The following SMPX variants were observed in gnomAD, a reference collection of about 807,000 sequenced individuals.
The protein encoded by SMPX is small muscle protein X-linked.
In SMPX, 2 loss-of-function variants were observed where a neutral mutation model predicts 6.3. The ratio of observed to expected loss-of-function variants is 0.32; its 90% CI spans 0.13 to 0.99. The LOEUF (loss-of-function observed/expected upper bound fraction) is 0.99. Ranked by LOEUF, SMPX falls within the 50% of genes least tolerant of loss-of-function variation. The pLI, the probability that SMPX is intolerant of heterozygous loss-of-function variation, is 0.49. For synonymous variants in SMPX, 32 were observed against 24.7 expected (o/e 1.30, Z -0.88); for missense variants, 60 against 66.8 (o/e 0.90, Z 0.36).
Position 21,742,105 on chromosome X carries a change from G to A in SMPX, c.132+1645C>T, listed in dbSNP as rs762684600. On this transcript the variant is annotated intron_variant, in intron 3 of 4. Coordinates refer to ENST00000379494, the MANE Select transcript of SMPX (RefSeq NM_014332.3). ...TGAAATGTGAGCCTCCAAAACAGCT[G>A]TTACATCAGTCAATTTAGTGAGAAA... 1.5e-3 allele frequency among the ~76,000 whole-genome samples: 173 copies of A among 112,321 alleles called. 1 individual carries two copies. Among genetic ancestry groups the A allele is most frequent in the African/African-American group, 5.3e-3 (165 of 30,917 alleles).
At chrX:21,749,003 G>A (rs892080885) in intron 2 of SMPX, among the ~76,000 whole-genome samples, 1 of 111,667 alleles carries the variant, frequency 9.0e-6, no homozygotes, top group Non-Finnish European at 1.9e-5. Context: ...TTCATCTTCC[G>A]TGGAGACTGC....
In SMPX at chrX:21,706,308, A is replaced by G. The variant is rs1448931396; in HGVS notation, c.*101T>C. On this transcript the variant is annotated 3_prime_UTR_variant, in exon 5 of 5. Transcript: ENST00000379494. Reference sequence around the variant, plus strand: ...ATTTCTGCTAGAGTCTCAGGCATTCAGGAGGTTCACAATCATCATACAAAT... The same window carrying G: ...ATTTCTGCTAGAGTCTCAGGCATTCGGGAGGTTCACAATCATCATACAAAT... The G allele has an allele frequency of 4.1e-6, 2 of 492,608 alleles. No homozygotes were observed. Among genetic ancestry groups the G allele is most frequent in the Non-Finnish European group, 7.3e-6 (2 of 273,977 alleles). The allele number at this position is 492,608 out of a possible 1,213,427, so 40.6% of individuals were successfully genotyped here.
chrX:21,731,319 C>A (rs2092802876), intron 4 of SMPX, among the ~76,000 whole-genome samples: 1 of 105,481 alleles, frequency 9.5e-6, no homozygotes, highest in Non-Finnish European at 2.0e-5. Context: ...GTTCCATGTA[C>A]ACTTGAGAAG....
At chrX:21,719,082 C>T (rs1273306326) in intron 4 of SMPX, among the ~76,000 whole-genome samples, 1 of 112,069 alleles carries the variant, frequency 8.9e-6, no homozygotes, top group Non-Finnish European at 1.9e-5. Flanking sequence ...TTATGTGCTT[C>T]TCCTAGGAAG....
intron 2 of SMPX, among the ~76,000 whole-genome samples, chrX:21,747,319 C>T (rs889107500): frequency 2.7e-5 from 3 of 110,759 alleles, no homozygotes; most frequent in Non-Finnish European, 5.7e-5. Context: ...GCATCACTTT[C>T]CTAAGCTATA....
At chrX:21,714,408 C>A (rs1419032872) in intron 4 of SMPX, among the ~76,000 whole-genome samples, 1 of 111,958 alleles carries the variant, frequency 8.9e-6, no homozygotes, top group African/African-American at 3.2e-5. Context: ...CATCAGGTGG[C>A]TGCACCAGAG....
intron 3 of SMPX, among the ~76,000 whole-genome samples, chrX:21,738,025 A>G (rs2092812367): frequency 2.7e-5 from 3 of 112,639 alleles, no homozygotes; most frequent in South Asian, 3.7e-4. Context: ...GCATCTTACA[A>G]GATTGACTTT....
At chrX:21,729,574 T>G (rs2092801102) in intron 4 of SMPX, among the ~76,000 whole-genome samples, 1 of 111,446 alleles carries the variant, frequency 9.0e-6, no homozygotes, top group African/African-American at 3.3e-5. Flanking sequence ...TCCATTACAT[T>G]GAGAGTAGAA....
At chrX:21,711,115 C>A (rs1242092786) in intron 4 of SMPX, among the ~76,000 whole-genome samples, 1 of 112,064 alleles carries the variant, frequency 8.9e-6, no homozygotes, top group Non-Finnish European at 1.9e-5. Flanking sequence ...GCCAGAGTCT[C>A]CATCCTTGGC....
In SMPX at chrX:21,737,650, C is replaced by T. The variant is rs368638477; in HGVS notation, c.180G>A (p.Ala60=). The change falls in exon 4 of 5, where the codon GCG becomes GCA. Residue 60 remains alanine (A), a synonymous_variant. Transcript: ENST00000379494. The part of the protein sequence containing the change: ...SDEEKKPIPG[A]KKLPGPAVNL... ...TGACTGCAGGTCCTGGAAGTTTCTT[C>T]GCTCCTGGAATTGGCTTCTTCTCCT... 42 of 1,207,775 alleles carry T rather than the reference C, an allele frequency of 3.5e-5. No individual in the cohort carries two copies. The highest frequency in any genetic ancestry group is 5.9e-5 in the East Asian group (2 of 33,778).
At chrX:21,719,009 G>A (rs368142365) in intron 4 of SMPX, among the ~76,000 whole-genome samples, 33 of 112,335 alleles carry the variant, frequency 2.9e-4, no homozygotes, top group Admixed American at 7.5e-4. Flanking sequence ...ACTTTAAAAC[G>A]TGTGTGTATG....
rs893377619 is a variant in SMPX, at chrX:21,725,711, C to T, written c.*14+11838G>A. Among the ~76,000 whole-genome samples the T allele has an allele frequency of 7.1e-5, 8 of 112,357 alleles. No homozygotes were observed. The South Asian group carries it at 1.5e-3, about 21-fold the overall frequency. On this transcript the variant is annotated intron_variant, in intron 4 of 4. Coordinates refer to ENST00000379494, the MANE Select transcript of SMPX (RefSeq NM_014332.3). ...AAGAGGACAGTTGCAGGTTAGAAAT[C>T]ATCTCATGAACTGGCTCAAGCTCAA... is the stretch of plus-strand genomic sequence containing the variant.
chrX:21,737,252 C>T (rs1490461352), intron 4 of SMPX, among the ~76,000 whole-genome samples: 1 of 111,447 alleles, frequency 9.0e-6, no homozygotes, highest in East Asian at 2.8e-4. Context: ...AGATGAAAAC[C>T]TCAAGGCCTT....
intron 4 of SMPX, among the ~76,000 whole-genome samples, chrX:21,736,197 CAAAT>C (rs2092810252): frequency 8.9e-6 from 1 of 112,410 alleles, no homozygotes; most frequent in Non-Finnish European, 1.9e-5. Context: ...AAGTGTAACA[CAAAT>C]AACACTGCCA....
At chrX:21,754,042 A>G (rs1162289057) in intron 2 of SMPX, among the ~76,000 whole-genome samples, 1 of 112,781 alleles carries the variant, frequency 8.9e-6, no homozygotes, top group Non-Finnish European at 1.9e-5. Flanking sequence ...TGATTGTCTT[A>G]TAATTCAGAA....
At chrX:21,745,422 T>C (rs10217962) in intron 2 of SMPX, among the ~76,000 whole-genome samples, 5,579 of 111,537 alleles carry the variant, frequency 0.05, 331 homozygotes, top group African/African-American at 0.17. Context: ...TCTCTTTTAA[T>C]ATCTCTGGTC....
At chrX:21,752,865 A>G (rs943260091) in intron 2 of SMPX, among the ~76,000 whole-genome samples, 1 of 111,209 alleles carries the variant, frequency 9.0e-6, no homozygotes. Context: ...GGAAGTGAAT[A>G]CTATTATTTT....
intron 4 of SMPX, among the ~76,000 whole-genome samples, chrX:21,715,308 G>A (rs796871818): frequency 1.1e-4 from 12 of 105,392 alleles, no homozygotes; most frequent in Admixed American, 1.9e-4. Context: ...GTGTGTGCGC[G>A]CACGCGCGCG....
intron 2 of SMPX, 28 bp from the exon 3 acceptor site, chrX:21,743,864 C>T: frequency 9.0e-7 from 1 of 1,109,578 alleles, no homozygotes; most frequent in Non-Finnish European, 1.2e-6. Context: ...GTAGGTTTAG[C>T]TCAAAAAAAG....
Sources: gnomAD v4.1 joint callset for allele counts (sites outside exome capture counted in the v4.1 genomes callset) on GRCh38, gnomAD v4.1.1 for gene constraint, MANE v1.5 for transcripts, NCBI Gene and HGNC (gene_info 2026-07-23, HGNC 2026-07-21) for gene names.